SUSD1: variants seen among roughly 807,000 people sequenced by gnomAD.
SUSD1 encodes the protein sushi domain-containing protein 1.
A neutral mutation model predicts 86.9 loss-of-function variants in SUSD1; 65 were observed. That is an observed-to-expected ratio of 0.75 (90% CI 0.61 to 0.92). The LOEUF (loss-of-function observed/expected upper bound fraction) is 0.92. Among genes scored for constraint, SUSD1 ranks in the 40% least tolerant of loss-of-function variants. The pLI is 0.00. For missense variants in SUSD1, 850 were observed against 929.7 expected (o/e 0.91, Z 1.11); for synonymous variants, 346 against 350.0 (o/e 0.99, Z 0.13).
At chr9:112,041,671 C>G (rs1207216893) in intron 16 of SUSD1, among the ~76,000 whole-genome samples, 179 bp from the exon 17 acceptor site, 1 of 152,168 alleles carries the variant, frequency 6.6e-6, no homozygotes, top group African/African-American at 2.4e-5. Context: ...CTGCTCTTTT[C>G]CTGGGAAGGC....
At chr9:112,170,852 A>G (rs574200736) in intron 1 of SUSD1, among the ~76,000 whole-genome samples, 1 of 151,632 alleles carries the variant, frequency 6.6e-6, no homozygotes, top group South Asian at 2.1e-4. Flanking sequence ...TAGGATTACA[A>G]GCGCCCACCA....
At chr9:112,148,311 A>G (rs1027974857) in intron 3 of SUSD1, among the ~76,000 whole-genome samples, 1 of 152,138 alleles carries the variant, frequency 6.6e-6, no homozygotes, top group East Asian at 1.9e-4. Flanking sequence ...AGGAGCCGCT[A>G]AAAATTAGGA....
intron 2 of SUSD1, among the ~76,000 whole-genome samples, chr9:112,156,512 T>C (rs1833331531): frequency 6.6e-6 from 1 of 151,792 alleles, no homozygotes; most frequent in African/African-American, 2.4e-5. Flanking sequence ...GCTCAAGGCA[T>C]CCTCCTGCCT....
intron 1 of SUSD1, among the ~76,000 whole-genome samples, chr9:112,165,129 T>G (rs1833726388): frequency 6.6e-6 from 1 of 152,202 alleles, no homozygotes; most frequent in South Asian, 2.1e-4. Flanking sequence ...CCTTTCTCCC[T>G]AAAGTTCTGA....
At chr9:112,114,483 A>C (rs908770953) in intron 6 of SUSD1, among the ~76,000 whole-genome samples, 1 of 152,180 alleles carries the variant, frequency 6.6e-6, no homozygotes, top group African/African-American at 2.4e-5. Context: ...ACTCCATCTC[A>C]AAAACAAAAA....
At chr9:112,046,679 C>T (rs914934233) in intron 15 of SUSD1, among the ~76,000 whole-genome samples, 2 of 152,228 alleles carry the variant, frequency 1.3e-5, no homozygotes, top group East Asian at 3.9e-4. Context: ...CTGAAAGCAC[C>T]AATTCTGTTC....
At chr9:112,173,159 C>G (rs1022377643) in intron 1 of SUSD1, among the ~76,000 whole-genome samples, 1 of 152,046 alleles carries the variant, frequency 6.6e-6, no homozygotes. Flanking sequence ...GCACTGTTCT[C>G]GGAGATAGAG....
Position 112,175,254 on chromosome 9 carries a change from C to A in SUSD1, c.-19G>T. On this transcript the variant is annotated 5_prime_UTR_variant, in exon 1 of 17. Transcript: ENST00000374270. This position sits in a 1 kb window ranked among gnomAD's most constrained non-coding sequence, Gnocchi z 4.7. ...GGCCCATGCCGCCGCCGGTCCCTCCCGGCGCGCCCGCGCCTCCTCCCGGGG... is the reference window on the plus strand; with the variant it reads ...GGCCCATGCCGCCGCCGGTCCCTCCAGGCGCGCCCGCGCCTCCTCCCGGGG... 8.7e-7 allele frequency: 1 copy of A among 1,147,556 alleles called. No homozygotes were observed. The highest frequency in any genetic ancestry group is 4.3e-5 in the South Asian group (1 of 23,480). The allele number at this position is 1,147,556 out of a possible 1,614,324, so 71.1% of individuals were successfully genotyped here.
chr9:112,050,201 T>C (rs1473896139), intron 15 of SUSD1, among the ~76,000 whole-genome samples: 1 of 152,158 alleles, frequency 6.6e-6, no homozygotes, highest in African/African-American at 2.4e-5. Context: ...GTGTGGCCTT[T>C]ATTAAAGTCC....
At chr9:112,146,662 G>A (rs991243678) in intron 3 of SUSD1, among the ~76,000 whole-genome samples, 1 of 150,492 alleles carries the variant, frequency 6.6e-6, no homozygotes, top group Non-Finnish European at 1.5e-5. Flanking sequence ...TTAAGACAAA[G>A]TCTCGCTCTG....
intron 12 of SUSD1, among the ~76,000 whole-genome samples, chr9:112,074,635 T>C (rs541766852): frequency 1.3e-5 from 2 of 152,272 alleles, no homozygotes; most frequent in African/African-American, 4.8e-5. Context: ...GCAGCTACAT[T>C]GTCCAGACCC....
At chr9:112,043,590 C>G (rs1490132063) in intron 15 of SUSD1, among the ~76,000 whole-genome samples, 2 of 152,038 alleles carry the variant, frequency 1.3e-5, no homozygotes, top group Non-Finnish European at 2.9e-5. Flanking sequence ...GAATTAAGCT[C>G]TTTATTGCAA....
chr9:112,166,781 G>T (rs1014954619), intron 1 of SUSD1, among the ~76,000 whole-genome samples: 2 of 152,168 alleles, frequency 1.3e-5, no homozygotes, highest in African/African-American at 4.8e-5. Flanking sequence ...GCAGGGAGGT[G>T]GTTGCCATGT....
intron 14 of SUSD1, 38 bp downstream of exon 14, chr9:112,058,390 A>C: frequency 6.3e-7 from 1 of 1,593,582 alleles, no homozygotes; most frequent in South Asian, 1.1e-5. Context: ...TACGAAGAAG[A>C]AAATACAGAG....
chr9:112,066,750 GCCAGCATTCCCAGTACTCCAAATC>G (rs1290477261), intron 12 of SUSD1, among the ~76,000 whole-genome samples: 1 of 152,114 alleles, frequency 6.6e-6, no homozygotes, highest in African/African-American at 2.4e-5. Context: ...TTCTTATGGG[GCCAGCATTCCCAGTACTCCAAATC>G]CCCACTGGCC....
At chr9:112,058,765 G>C in intron 13 of SUSD1, 79 bp from the exon 14 acceptor site, 1 of 1,527,322 alleles carries the variant, frequency 6.5e-7, no homozygotes, top group African/African-American at 1.4e-5. Context: ...TTGAGCACCT[G>C]CTATGAGACA....
intron 1 of SUSD1, among the ~76,000 whole-genome samples, chr9:112,159,269 T>C (rs978767353): frequency 1.3e-5 from 2 of 152,322 alleles, no homozygotes; most frequent in East Asian, 1.9e-4. Context: ...CTTTCTAGCA[T>C]TGAATTTCAT....
chr9:112,080,055 G>GT lies in SUSD1; in HGVS notation c.1566+18dup, dbSNP rs773979503. 68 of 1,574,242 alleles carry GT rather than the reference G, an allele frequency of 4.3e-5. No homozygotes were observed. The Middle Eastern group carries it at 5.0e-4, about 12-fold the overall frequency. On this transcript the variant is annotated intron_variant, in intron 11 of 16. Transcript: ENST00000374270. ...CATAAGACAACCATCTATAAATACA[G>GT]TAACTTTCAGTCACTTACTAAATAC... is the stretch of plus-strand genomic sequence containing the variant.
chr9:112,142,420 A>G lies in SUSD1; in HGVS notation c.606T>C (p.Val202=), dbSNP rs372787587. 1 of 1,614,114 alleles carries G rather than the reference A, an allele frequency of 6.2e-7. No homozygotes were observed. Among genetic ancestry groups the G allele is most frequent in the South Asian group, 1.1e-5 (1 of 91,062 alleles). Residue 202 remains valine, a synonymous_variant, in exon 5 of 17, where the codon GTT becomes GTC. Transcript: ENST00000374270. ...GNYTSSLGSQ[V]RYACREGFFS... Reference sequence around the variant, plus strand: ...AGAATCCTTCTCTGCAAGCATAACGAACCTGGCTGCCCAGACTAGACGTAT... The same window carrying G: ...AGAATCCTTCTCTGCAAGCATAACGGACCTGGCTGCCCAGACTAGACGTAT...
Sources: allele counts gnomAD v4.1 joint callset (sites outside exome capture counted in the v4.1 genomes callset), GRCh38; gene constraint gnomAD v4.1.1; non-coding constraint Gnocchi (gnomAD v3.1); transcripts MANE v1.5; gene names NCBI Gene and HGNC (gene_info 2026-07-23, HGNC 2026-07-21).